The following COL25A1 variants were observed in gnomAD, a reference collection of about 807,000 sequenced individuals.
The protein encoded by COL25A1 is collagen type XXV alpha 1 chain.
Under a neutral mutation model 128.4 loss-of-function variants are expected in COL25A1, and 103 were observed. The ratio of observed to expected loss-of-function variants is 0.80; its 90% CI spans 0.68 to 0.94. The LOEUF is 0.94. Among genes scored for constraint, COL25A1 ranks in the 40% least tolerant of loss-of-function variants. COL25A1 has a pLI of 0.00. For missense variants in COL25A1, 745 were observed against 840.0 expected, an observed-to-expected ratio of 0.89 and a Z score of 1.40; for synonymous variants, 279 against 277.2, an observed-to-expected ratio of 1.01 and a Z score of -0.06.
In COL25A1 at chr4:108,967,979, A is replaced by G. The variant is rs796979598; in HGVS notation, c.492+6388T>C. On this transcript the variant is annotated intron_variant, in intron 8 of 37. Coordinates refer to ENST00000399132, the MANE Select transcript of COL25A1 (RefSeq NM_198721.4). ...CTATGCGTGGTGACCGACAGCACAG[A>G]TAAAGCACCATCCCAACCCTAAGCC... Among the ~76,000 whole-genome samples the G allele has an allele frequency of 2.0e-5, 3 of 152,286 alleles. No homozygotes were observed. In the East Asian group the frequency reaches 5.8e-4, roughly 29 times the overall value.
chr4:108,890,301 GT>G (rs1229220867), intron 16 of COL25A1, among the ~76,000 whole-genome samples: 21 of 152,290 alleles, frequency 1.4e-4, no homozygotes, highest in African/African-American at 4.3e-4. Flanking sequence ...CAATGGGCAC[GT>G]TTTTTCCAGC....
At chr4:109,103,298 C>T (rs1465903955) in intron 3 of COL25A1, among the ~76,000 whole-genome samples, 1 of 152,204 alleles carries the variant, frequency 6.6e-6, no homozygotes, top group Non-Finnish European at 1.5e-5. Context: ...TTTCACAAAT[C>T]AAATCTTGCT....
chr4:109,169,734 T>C (rs71603014), intron 3 of COL25A1, among the ~76,000 whole-genome samples: 1 of 152,222 alleles, frequency 6.6e-6, no homozygotes, highest in Non-Finnish European at 1.5e-5. Context: ...TTTGGATTTA[T>C]ATTTAAGTTT....
At chr4:109,169,077 C>T (rs1303517999) in intron 3 of COL25A1, among the ~76,000 whole-genome samples, 5 of 152,140 alleles carry the variant, frequency 3.3e-5, no homozygotes, top group Non-Finnish European at 7.4e-5. Context: ...CTACGGTATA[C>T]ATTTTAATTC....
In COL25A1 at chr4:108,846,211, T is replaced by C. The variant is rs375264966; in HGVS notation, c.1443A>G (p.Lys481=). The part of the protein sequence containing the change: ...IPGMDGEQGL[K]GSKGDMGDPG... ...GGTCCCCCATGTCTCCCTTTGAGCCTTTGAGTCCCTAAAAATGATAGACAA... is the reference window on the plus strand; with the variant it reads ...GGTCCCCCATGTCTCCCTTTGAGCCCTTGAGTCCCTAAAAATGATAGACAA... Residue 481 remains lysine, a synonymous_variant, in exon 28 of 38, where the codon AAA becomes AAG. Transcript: ENST00000399132. The C allele has an allele frequency of 2.4e-5, 38 of 1,608,754 alleles. No homozygotes were observed. Among genetic ancestry groups the C allele is most frequent in the Non-Finnish European group, 3.0e-5 (35 of 1,175,282 alleles).
intron 16 of COL25A1, among the ~76,000 whole-genome samples, chr4:108,891,442 TA>T (rs1181796355): frequency 6.6e-6 from 1 of 152,156 alleles, no homozygotes; most frequent in Non-Finnish European, 1.5e-5. Context: ...ACATGTCCAA[TA>T]AAAAGAATAT....
chr4:109,235,146 T>A (rs1414954174), intron 3 of COL25A1, among the ~76,000 whole-genome samples: 2 of 152,008 alleles, frequency 1.3e-5, no homozygotes, highest in Non-Finnish European at 2.9e-5. Flanking sequence ...TTCTCAGGAA[T>A]AAATTTTTGA....
intron 3 of COL25A1, among the ~76,000 whole-genome samples, chr4:109,284,695 AG>A (rs1409332166): frequency 1.3e-5 from 2 of 152,210 alleles, no homozygotes; most frequent in Admixed American, 1.3e-4. Flanking sequence ...AGTCACATGA[AG>A]GCAAAGGAAG....
chr4:108,967,836 C>A (rs908818667), intron 8 of COL25A1, among the ~76,000 whole-genome samples: 23 of 152,148 alleles, frequency 1.5e-4, no homozygotes, highest in Non-Finnish European at 5.9e-5. Context: ...AACTTCCTTT[C>A]AGCAGGTTGT....
At chr4:109,061,619 T>TA (rs1761981661) in intron 3 of COL25A1, among the ~76,000 whole-genome samples, 3 of 152,174 alleles carry the variant, frequency 2.0e-5, no homozygotes, top group Non-Finnish European at 4.4e-5. Flanking sequence ...ACAGTTGGCC[T>TA]CCCATAGAAA....
intron 37 of COL25A1, among the ~76,000 whole-genome samples, chr4:108,816,250 TAAGA>T (rs1731239144): frequency 6.6e-6 from 1 of 152,210 alleles, no homozygotes; most frequent in Non-Finnish European, 1.5e-5. Flanking sequence ...TGAAACTGAT[TAAGA>T]AAGAGAGTGA....
At chr4:109,080,628 A>G (rs1763756109) in intron 3 of COL25A1, among the ~76,000 whole-genome samples, 1 of 152,202 alleles carries the variant, frequency 6.6e-6, no homozygotes, top group Non-Finnish European at 1.5e-5. Context: ...TTTTTATGTA[A>G]TTATCAAAAG....
At chr4:109,018,321 T>A (rs1757399702) in intron 5 of COL25A1, among the ~76,000 whole-genome samples, 1 of 152,156 alleles carries the variant, frequency 6.6e-6, no homozygotes, top group African/African-American at 2.4e-5. Flanking sequence ...ACCTCCCATG[T>A]TCAAGTGATT....
In COL25A1 at chr4:108,869,137, A is replaced by T; in HGVS notation, c.1034T>A (p.Phe345Tyr). The change falls in exon 20 of 38, where the codon TTC (phenylalanine) becomes TAC (tyrosine). Residue 345 changes from phenylalanine (F) to tyrosine (Y), a missense_variant. Around this residue, in one of 3 missense-constraint regions of COL25A1, gnomAD observed 387 missense variants for 441.9 expected, o/e 0.88. Transcript: ENST00000399132. ...GCCTGGTTCTCCTTGAGGACCAATG[A>T]AACCTGGTTCTCCCTTTAAAAACAT... ...GLPGIKGEPG[F>Y]IGPQGEPGLP... is the part of the protein sequence containing the mutation. 6.5e-7 allele frequency: 1 copy of T among 1,540,866 alleles called. No individual in the cohort carries two copies. Among genetic ancestry groups the T allele is most frequent in the Non-Finnish European group, 8.7e-7 (1 of 1,148,972 alleles).
intron 24 of COL25A1, among the ~76,000 whole-genome samples, chr4:108,853,178 T>A (rs577302760): frequency 1.1e-4 from 16 of 152,246 alleles, no homozygotes; most frequent in Non-Finnish European, 1.9e-4. Flanking sequence ...AAATTTTAAT[T>A]CACCTGATTG....
chr4:108,875,632 A>G (rs1739354436), intron 19 of COL25A1, among the ~76,000 whole-genome samples: 3 of 152,326 alleles, frequency 2.0e-5, no homozygotes, highest in South Asian at 4.1e-4. Context: ...AATTGGTTCA[A>G]CCATTGTGGA....
rs1776841649 is a variant in COL25A1 at position 109,204,694 on chromosome 4, G to T, written c.367+95889C>A. Among the ~76,000 whole-genome samples the T allele has an allele frequency of 1.3e-5, 2 of 152,160 alleles. 1 individual carries two copies. The highest frequency in any genetic ancestry group is 4.1e-4 in the South Asian group (2 of 4,824). Reference sequence around the variant, plus strand: ...GTTTCAACAACAGAAAGCAGGAAGAGATTTGATATTGTCTATCCTGCAAAC... The same window carrying T: ...GTTTCAACAACAGAAAGCAGGAAGATATTTGATATTGTCTATCCTGCAAAC... On this transcript the variant is annotated intron_variant, in intron 3 of 37. Transcript: ENST00000399132.
chr4:109,167,176 A>T (rs375904551), intron 3 of COL25A1, among the ~76,000 whole-genome samples: 7 of 152,190 alleles, frequency 4.6e-5, no homozygotes, highest in African/African-American at 1.7e-4. Context: ...TAACATCTTA[A>T]GTAGGTTTAA....
chr4:109,047,923 G>C (rs914767613), intron 5 of COL25A1, among the ~76,000 whole-genome samples: 2 of 151,722 alleles, frequency 1.3e-5, no homozygotes, highest in Non-Finnish European at 1.5e-5. Context: ...TAGTACAGAT[G>C]GGGTTTCACC....
Sources: gnomAD v4.1 joint callset for allele counts (sites outside exome capture counted in the v4.1 genomes callset) on GRCh38, gnomAD v4.1.1 for gene constraint, gnomAD v4.1.1 regional missense constraint, MANE v1.5 for transcripts, NCBI Gene and HGNC (gene_info 2026-07-23, HGNC 2026-07-21) for gene names.